SHTN1: variants seen among roughly 807,000 people sequenced by gnomAD.
The protein encoded by SHTN1 is shootin 1.
In SHTN1, 42 loss-of-function variants were observed where a neutral mutation model predicts 83.1. The observed-to-expected ratio is 0.51, with a 90% CI of 0.39 to 0.65. The LOEUF is 0.65. SHTN1 is among the 30% of genes least tolerant of loss of function. The pLI, the probability that SHTN1 is intolerant of heterozygous loss-of-function variation, is 0.00. For synonymous variants in SHTN1, 224 were observed against 247.7 expected, an observed-to-expected ratio of 0.90 and a Z score of 0.90; for missense variants, 622 against 737.8, an observed-to-expected ratio of 0.84 and a Z score of 1.82.
chr10:117,022,106 C>G (rs1310971806), intron 2 of SHTN1, among the ~76,000 whole-genome samples: 1 of 152,114 alleles, frequency 6.6e-6, no homozygotes, highest in African/African-American at 2.4e-5. Context: ...CCTTCTAGAT[C>G]TTGGACTCCT....
At chr10:116,888,358 GAAC>G (rs1847227070) in intron 16 of SHTN1, among the ~76,000 whole-genome samples, 1 of 152,162 alleles carries the variant, frequency 6.6e-6, no homozygotes, top group African/African-American at 2.4e-5. Flanking sequence ...GGGAGAAGCA[GAAC>G]AACTATGAGT....
At chr10:116,960,070 C>A in intron 4 of SHTN1, 66 bp downstream of exon 4, 1 of 901,592 alleles carries the variant, frequency 1.1e-6, no homozygotes, top group South Asian at 1.4e-5. Context: ...CAGATAGAAG[C>A]CACTGCTTAG....
At chr10:117,078,502 AG>A (rs1191688815) in intron 1 of SHTN1, among the ~76,000 whole-genome samples, 1 of 152,148 alleles carries the variant, frequency 6.6e-6, no homozygotes, top group African/African-American at 2.4e-5. Flanking sequence ...CTTGGGACCA[AG>A]CTCTGCCATG....
At chr10:116,926,955 G>A (rs1848764261) in intron 11 of SHTN1, among the ~76,000 whole-genome samples, 1 of 152,104 alleles carries the variant, frequency 6.6e-6, no homozygotes, top group Non-Finnish European at 1.5e-5. Context: ...TTAGGCTTCA[G>A]AAAATACGAA....
chr10:116,919,008 ATAAG>A (rs904827276), intron 12 of SHTN1, among the ~76,000 whole-genome samples: 9 of 152,304 alleles, frequency 5.9e-5, no homozygotes, highest in Admixed American at 4.6e-4. Context: ...TTTTAGAGCC[ATAAG>A]TAAGGAGTAA....
intron 2 of SHTN1, among the ~76,000 whole-genome samples, chr10:117,011,873 G>A (rs1852110518): frequency 6.6e-6 from 1 of 152,078 alleles, no homozygotes; most frequent in Admixed American, 6.5e-5. Context: ...GGGCGCGGTG[G>A]CTCACGCCTG....
At chr10:117,027,207 T>G (rs7068797) in intron 2 of SHTN1, among the ~76,000 whole-genome samples, 138,584 of 152,172 alleles carry the variant, frequency 0.91, 64,507 homozygotes, top group Non-Finnish European at 1. Context: ...GGGGCCTGGT[T>G]GGAGGTGACT....
intron 5 of SHTN1, among the ~76,000 whole-genome samples, chr10:116,952,556 T>C (rs1849813439): frequency 6.6e-6 from 1 of 152,180 alleles, no homozygotes; most frequent in African/African-American, 2.4e-5. Flanking sequence ...TCTAGAGTCA[T>C]GGGTGTTTTG....
At chr10:117,096,995 C>A (rs1458585516) in intron 1 of SHTN1, among the ~76,000 whole-genome samples, 2 of 151,362 alleles carry the variant, frequency 1.3e-5, no homozygotes, top group Non-Finnish European at 2.9e-5. Context: ...CTACAAACAC[C>A]CAAGCGCGCA....
chr10:117,036,259 T>C (rs561968154), intron 2 of SHTN1, among the ~76,000 whole-genome samples: 1 of 152,240 alleles, frequency 6.6e-6, no homozygotes, highest in Admixed American at 6.5e-5. Flanking sequence ...AGAGCTACCA[T>C]ATGATCCAGC....
intron 1 of SHTN1, 87 bp from the exon 2 acceptor site, chr10:116,979,395 T>C: frequency 9.8e-7 from 1 of 1,024,642 alleles, no homozygotes; most frequent in Non-Finnish European, 1.5e-6. Context: ...CCCCATAGTC[T>C]TCTTACTAGG....
chr10:117,036,694 G>T (rs1478749845), intron 2 of SHTN1, among the ~76,000 whole-genome samples: 1 of 152,108 alleles, frequency 6.6e-6, no homozygotes, highest in Non-Finnish European at 1.5e-5. Context: ...TAATTAGAAT[G>T]AACAAGACCT....
chr10:116,905,187 C>T (rs978293906), intron 15 of SHTN1, among the ~76,000 whole-genome samples: 1 of 132,698 alleles, frequency 7.5e-6, no homozygotes, highest in Non-Finnish European at 1.5e-5. Flanking sequence ...CCAGCCTGGG[C>T]GACAGAGCGA....
intron 1 of SHTN1, among the ~76,000 whole-genome samples, chr10:117,110,553 G>C (rs1439630437): frequency 4.6e-5 from 7 of 151,530 alleles, no homozygotes; most frequent in Non-Finnish European, 8.8e-5. Context: ...TAGAGACAGG[G>C]TTTCACCATG....
At chr10:116,891,307 A>T (rs1270652207) in intron 16 of SHTN1, among the ~76,000 whole-genome samples, 2 of 152,240 alleles carry the variant, frequency 1.3e-5, no homozygotes, top group East Asian at 1.9e-4. Context: ...TGAGGTAACT[A>T]TCTTTCAAAT....
intron 6 of SHTN1, among the ~76,000 whole-genome samples, chr10:116,951,702 TTTA>T (rs1849784036): frequency 6.6e-6 from 1 of 152,250 alleles, no homozygotes; most frequent in Non-Finnish European, 1.5e-5. Context: ...CAGAATTTTA[TTTA>T]TTAAGCTAGC....
chr10:116,983,711 CATACAT>C (rs1300182723), intron 1 of SHTN1, among the ~76,000 whole-genome samples: 119 of 151,698 alleles, frequency 7.8e-4, no homozygotes, highest in Non-Finnish European at 1.3e-3. Context: ...TACATACATA[CATACAT>C]ACATACATGC....
chr10:117,002,653 T>C (rs1851864628), intron 1 of SHTN1, among the ~76,000 whole-genome samples: 7 of 152,318 alleles, frequency 4.6e-5, no homozygotes, highest in African/African-American at 1.7e-4. Flanking sequence ...AGCTTCCCAA[T>C]TAGTTCTACA....
chr10:117,015,715 G>C (rs1206004118), intron 2 of SHTN1, among the ~76,000 whole-genome samples: 4 of 152,206 alleles, frequency 2.6e-5, no homozygotes. Flanking sequence ...TTCTTTGAAA[G>C]TCTTCATATA....
Sources: gnomAD v4.1 joint callset for allele counts (sites outside exome capture counted in the v4.1 genomes callset) on GRCh38, gnomAD v4.1.1 for gene constraint, MANE v1.5 for transcripts, NCBI Gene and HGNC (gene_info 2026-07-23, HGNC 2026-07-21) for gene names.